GLRA2: variants seen among roughly 807,000 people sequenced by gnomAD.
The protein encoded by GLRA2 is glycine receptor alpha 2.
GLRA2 carries 11 observed loss-of-function variants against 31.6 expected under a neutral mutation model. That is an observed-to-expected ratio of 0.35 (90% confidence interval 0.22 to 0.58). The LOEUF is 0.58. Among genes scored for constraint, GLRA2 ranks in the 20% least tolerant of loss-of-function variants. The probability of loss-of-function intolerance (pLI) is 0.84; values close to 1 mark genes in which losing one functional copy is unlikely to be tolerated. For missense variants in GLRA2, 212 were observed against 351.8 expected (o/e 0.60, Z 3.18); for synonymous variants, 132 against 134.0 (o/e 0.99, Z 0.10).
chrX:14,499,886 C>T, the GLRA2 span, among the ~76,000 whole-genome samples: 2 of 111,250 alleles, frequency 1.8e-5, no homozygotes, highest in Non-Finnish European at 1.9e-5. Context: ...AAAATTTATT[C>T]AGGTCTTTTG....
intron 7 of GLRA2, among the ~76,000 whole-genome samples, chrX:14,676,312 G>A (rs1379575779): frequency 8.9e-6 from 1 of 112,514 alleles, no homozygotes; most frequent in Non-Finnish European, 1.9e-5. Flanking sequence ...TCAAGCAGGT[G>A]GATATGAGGA....
At chrX:14,542,214 T>C in intron 2 of GLRA2, among the ~76,000 whole-genome samples, 1 of 112,104 alleles carries the variant, frequency 8.9e-6, no homozygotes, top group East Asian at 2.8e-4. Context: ...GAGCTTTATG[T>C]TGAACAGGTT....
intron 8 of GLRA2, among the ~76,000 whole-genome samples, chrX:14,728,317 C>T (rs1217897583): frequency 9.0e-6 from 1 of 111,120 alleles, no homozygotes; most frequent in Non-Finnish European, 1.9e-5. Flanking sequence ...CACTTGAGCC[C>T]AGGAGGTTGA....
intron 2 of GLRA2, among the ~76,000 whole-genome samples, chrX:14,568,538 C>T (rs943796871): frequency 1.8e-5 from 2 of 108,690 alleles, no homozygotes; most frequent in African/African-American, 6.7e-5. Context: ...ACTAAAAATA[C>T]AAAAATTAGC....
chrX:14,542,386 C>A (rs2089417316), intron 2 of GLRA2, among the ~76,000 whole-genome samples: 1 of 111,578 alleles, frequency 9.0e-6, no homozygotes, highest in Non-Finnish European at 1.9e-5. Flanking sequence ...GCCTGTATGT[C>A]AAAAGGCCTT....
At position 14,591,335 on chromosome X, in the gene GLRA2, G is replaced by T. The variant is rs2090143572; in HGVS notation, c.494+9929G>T. Among the ~76,000 whole-genome samples the T allele has an allele frequency of 2.7e-5, 3 of 111,902 alleles. No homozygotes were observed. The South Asian group carries it at 1.1e-3, about 42-fold the overall frequency. On this transcript the variant is annotated intron_variant, in intron 4 of 8. Transcript: ENST00000218075. ...GGAAGCCAGTGGTGGATCAGTCTGA[G>T]TCCCAAAACCTCAAAAGTACGGAAG...
At chrX:14,686,897 C>T (rs1031583752) in intron 7 of GLRA2, among the ~76,000 whole-genome samples, 3 of 112,027 alleles carry the variant, frequency 2.7e-5, no homozygotes, top group Admixed American at 9.4e-5. Context: ...GTTGATGCAG[C>T]TTCTTCCTAG....
At chrX:14,681,997 G>A (rs1027129032) in intron 7 of GLRA2, among the ~76,000 whole-genome samples, 4 of 88,125 alleles carry the variant, frequency 4.5e-5, no homozygotes, top group African/African-American at 1.9e-4. Flanking sequence ...ATATATGTAT[G>A]TGTGTGTGTG....
intron 7 of GLRA2, among the ~76,000 whole-genome samples, chrX:14,686,122 T>G (rs1347762149): frequency 1.8e-5 from 2 of 111,991 alleles, no homozygotes; most frequent in African/African-American, 6.5e-5. Context: ...TTGTGTAGTT[T>G]TGAGTGAGTT....
the GLRA2 span, among the ~76,000 whole-genome samples, chrX:14,504,429 T>C: frequency 9.0e-6 from 1 of 111,456 alleles, no homozygotes; most frequent in Non-Finnish European, 1.9e-5. Context: ...TTTGTTTTTG[T>C]TTTTGAAAAA....
At chrX:14,649,724 T>C (rs774176288) in intron 7 of GLRA2, among the ~76,000 whole-genome samples, 1 of 112,044 alleles carries the variant, frequency 8.9e-6, no homozygotes, top group African/African-American at 3.2e-5. Flanking sequence ...ATTTAAGTTT[T>C]CTCTGACCTG....
In GLRA2 at chrX:14,605,510, C is replaced by T. The variant is rs182747855; in HGVS notation, c.577+1113C>T. Among the ~76,000 whole-genome samples the T allele has an allele frequency of 1.5e-3, 162 of 111,520 alleles. No homozygotes were observed. The Middle Eastern group carries it at 0.018, about 13-fold the overall frequency. On this transcript the variant is annotated intron_variant, in intron 5 of 8. Transcript: ENST00000218075. ...AAAAGCTGAGAAAAACATTTTCTTA[C>T]ATGATTCCTTCTTTCTGTTTTCTCT...
the GLRA2 span, among the ~76,000 whole-genome samples, chrX:14,484,479 A>G: frequency 8.9e-6 from 1 of 112,269 alleles, no homozygotes; most frequent in Non-Finnish European, 1.9e-5. Flanking sequence ...ACCCAACTGG[A>G]TGGAGAGTAG....
intron 8 of GLRA2, among the ~76,000 whole-genome samples, chrX:14,704,517 G>A (rs1183871889): frequency 3.6e-5 from 4 of 112,265 alleles, no homozygotes; most frequent in African/African-American, 9.7e-5. Context: ...AGAGATGTGG[G>A]TTTGCCTAAT....
chrX:14,695,159 CA>C (rs372906912), intron 8 of GLRA2, among the ~76,000 whole-genome samples: 2 of 103,611 alleles, frequency 1.9e-5, no homozygotes, highest in South Asian at 4.2e-4. Flanking sequence ...ATAACAGAAA[CA>C]AAAAAAAAAG....
At chrX:14,698,937 C>T (rs2091492530) in intron 8 of GLRA2, among the ~76,000 whole-genome samples, 1 of 111,016 alleles carries the variant, frequency 9.0e-6, no homozygotes, top group African/African-American at 3.3e-5. Flanking sequence ...ACTGAGCAAT[C>T]AAGTTATCAA....
chrX:14,498,072 T>C, the GLRA2 span, among the ~76,000 whole-genome samples: 4 of 111,166 alleles, frequency 3.6e-5, no homozygotes, highest in African/African-American at 9.8e-5. Context: ...AAAGAAGTTA[T>C]GTAAATATTG....
At chrX:14,710,948 T>C (rs2147233703) in intron 8 of GLRA2, among the ~76,000 whole-genome samples, 1 of 112,398 alleles carries the variant, frequency 8.9e-6, no homozygotes, top group African/African-American at 3.2e-5. Flanking sequence ...TTCATTACCT[T>C]CCAAGGTGGT....
the GLRA2 span, among the ~76,000 whole-genome samples, chrX:14,458,692 A>G: frequency 1.8e-5 from 2 of 111,913 alleles, no homozygotes; most frequent in South Asian, 7.5e-4. Context: ...GTCTGTTCAT[A>G]TCCTTCGCCC....
Sources: gnomAD v4.1 joint callset for allele counts (sites outside exome capture counted in the v4.1 genomes callset) on GRCh38, gnomAD v4.1.1 for gene constraint, MANE v1.5 for transcripts, NCBI Gene and HGNC (gene_info 2026-07-23, HGNC 2026-07-21) for gene names.